CASS4: variants seen among roughly 807,000 people sequenced by gnomAD.
The protein encoded by CASS4 is Cas scaffold protein family member 4, also known as cas scaffolding protein family member 4.
Under a neutral mutation model 54.2 loss-of-function variants are expected in CASS4, and 22 were observed. The observed-to-expected ratio is 0.41, with a 90% CI of 0.29 to 0.58. The LOEUF is 0.58. CASS4 is among the 20% of genes least tolerant of loss of function. The probability of loss-of-function intolerance (pLI) is 0.36; values close to 1 mark genes in which losing one functional copy is unlikely to be tolerated. For missense variants in CASS4, 854 were observed against 986.7 expected (o/e 0.87, Z 1.80); for synonymous variants, 409 against 391.5 (o/e 1.04, Z -0.53).
At chr20:56,433,608 A>G (rs1002648653) in intron 1 of CASS4, among the ~76,000 whole-genome samples, 1 of 152,192 alleles carries the variant, frequency 6.6e-6, no homozygotes, top group African/African-American at 2.4e-5. Context: ...TGTTTGCTGA[A>G]TCTGTGAAGG....
At position 56,412,478 on chromosome 20, in the gene CASS4, T is replaced by C. The variant is rs1275901550; in HGVS notation, c.20T>C (p.Met7Thr). 9.3e-6 allele frequency: 15 copies of C among 1,612,628 alleles called. No homozygotes were observed. In the South Asian group the frequency reaches 1.7e-4, roughly 18 times the overall value. Reference protein sequence around the residue: MKGTGIMDCAPKALLAR... With the variant: MKGTGITDCAPKALLAR... Reference sequence around the variant, plus strand: ...ACCGACATGAAGGGAACAGGCATCATGGACTGTGCGCCCAAGGTGAGTGAT... The same window carrying C: ...ACCGACATGAAGGGAACAGGCATCACGGACTGTGCGCCCAAGGTGAGTGAT... Residue 7 changes from methionine (M) to threonine (T), a missense_variant, in exon 1 of 6, where the codon ATG (methionine) becomes ACG (threonine). Physicochemically the swap from Met to Thr is moderately conservative, Grantham distance 81. Transcript: ENST00000679887. The surrounding 1 kb of genome is among the most constrained non-coding windows in gnomAD (Gnocchi z 4.2).
At chr20:56,450,908 C>T (rs185629257) in intron 4 of CASS4, among the ~76,000 whole-genome samples, 31 of 151,932 alleles carry the variant, frequency 2.0e-4, no homozygotes, top group African/African-American at 7.5e-4. Flanking sequence ...GTAGTGGGCG[C>T]CTGTAATCCC....
In CASS4 at chr20:56,451,806, G is replaced by A; in HGVS notation, c.643-13G>A. ...AGCTACTAACCCGGCAACTATGTGTGGTTCTCCCACAGGGGCAGGGTGTTC... is the reference window on the plus strand; with the variant it reads ...AGCTACTAACCCGGCAACTATGTGTAGTTCTCCCACAGGGGCAGGGTGTTC... On this transcript the variant is annotated splice_polypyrimidine_tract_variant and intron_variant, in intron 4 of 5. Coordinates refer to ENST00000679887, the MANE Select transcript of CASS4 (RefSeq NM_020356.4). 6.3e-7 allele frequency: 1 copy of A among 1,595,510 alleles called. No homozygotes were observed. The highest frequency in any genetic ancestry group is 8.6e-7 in the Non-Finnish European group (1 of 1,167,614).
chr20:56,428,658 T>C (rs1457685276), intron 1 of CASS4, among the ~76,000 whole-genome samples: 1 of 152,220 alleles, frequency 6.6e-6, no homozygotes. Flanking sequence ...CTGCTTCTCC[T>C]TACAGCTGTC....
In CASS4 at chr20:56,418,094, T is replaced by A. The variant is rs1979231585; in HGVS notation, c.36+5600T>A. ...GGGTTCAGGGTGATCAAGACAGAGC[T>A]GACATTCCAATGGAGTGAGCATGAC... On this transcript the variant is annotated intron_variant, in intron 1 of 5. Transcript: ENST00000679887. Among the ~76,000 whole-genome samples the A allele has an allele frequency of 2.0e-5, 3 of 152,134 alleles. No homozygotes were observed. In the South Asian group the frequency reaches 6.2e-4, roughly 32 times the overall value.
intron 2 of CASS4, among the ~76,000 whole-genome samples, chr20:56,438,092 C>T (rs1054277177): frequency 6.6e-6 from 1 of 152,080 alleles, no homozygotes; most frequent in Non-Finnish European, 1.5e-5. Flanking sequence ...AGTTCGGGAC[C>T]AGCCTGGGCA....
chr20:56,417,374 T>C (rs1439237201), intron 1 of CASS4, among the ~76,000 whole-genome samples: 1 of 152,204 alleles, frequency 6.6e-6, no homozygotes, highest in Admixed American at 6.5e-5. Context: ...TTCCCCGCCT[T>C]GGATTCTTCT....
chr20:56,418,674 G>C (rs1979261902), intron 1 of CASS4, among the ~76,000 whole-genome samples: 1 of 152,198 alleles, frequency 6.6e-6, no homozygotes, highest in African/African-American at 2.4e-5. Flanking sequence ...TAGAACTTTT[G>C]ATGTTTGAGA....
intron 1 of CASS4, among the ~76,000 whole-genome samples, chr20:56,416,563 A>G (rs918987217): frequency 2.6e-5 from 4 of 151,886 alleles, no homozygotes; most frequent in East Asian, 1.9e-4. Flanking sequence ...GTGTGTATGC[A>G]CACATGCCAT....
At chr20:56,427,044 C>T (rs1365599563) in intron 1 of CASS4, among the ~76,000 whole-genome samples, 1 of 151,976 alleles carries the variant, frequency 6.6e-6, no homozygotes, top group Non-Finnish European at 1.5e-5. Flanking sequence ...GCCTGTAGTC[C>T]CAGCTACCTG....
At position 56,414,325 on chromosome 20, in the gene CASS4, A is replaced by C. The variant is rs1255475792; in HGVS notation, c.36+1831A>C. On this transcript the variant is annotated intron_variant, in intron 1 of 5. Coordinates refer to ENST00000679887, the MANE Select transcript of CASS4 (RefSeq NM_020356.4). The surrounding 1 kb of genome is among the most constrained non-coding windows in gnomAD (Gnocchi z 4.1). ...AATCTACTACCTTTTTCTCTTTCAT[A>C]ACATTGACCTTTTTTCTAAACAGCC... Among the ~76,000 whole-genome samples the C allele has an allele frequency of 6.6e-6, 1 of 152,096 alleles. No individual in the cohort carries two copies. Among genetic ancestry groups the C allele is most frequent in the Non-Finnish European group, 1.5e-5 (1 of 68,024 alleles).
intron 4 of CASS4, 82 bp downstream of exon 4, chr20:56,450,761 C>T (rs780985837): frequency 8.9e-6 from 12 of 1,344,742 alleles, no homozygotes; most frequent in African/African-American, 2.9e-5. Context: ...GGGCCAGGCA[C>T]GGTGGCTGAA....
In CASS4 at chr20:56,458,810, C is replaced by T. The variant is rs572594122; in HGVS notation, c.*63C>T. Reference sequence around the variant, plus strand: ...AGCTTCACACCCACAACTTGTGCAACTCTGCCCTATGGGAAAAGCCAGCCG... The same window carrying T: ...AGCTTCACACCCACAACTTGTGCAATTCTGCCCTATGGGAAAAGCCAGCCG... On this transcript the variant is annotated 3_prime_UTR_variant, in exon 6 of 6. Coordinates refer to ENST00000679887, the MANE Select transcript of CASS4 (RefSeq NM_020356.4). The T allele has an allele frequency of 6.9e-7, 1 of 1,453,214 alleles. No individual in the cohort carries two copies. Among genetic ancestry groups the T allele is most frequent in the Non-Finnish European group, 9.2e-7 (1 of 1,085,348 alleles). 90.0% of individuals were successfully genotyped at this position (1,453,214 alleles called of 1,614,324 possible). A position where few individuals can be genotyped will look rare whatever the true frequency, so the allele number is the denominator to read the frequency against.
chr20:56,434,128 G>A (rs778074357), intron 1 of CASS4, among the ~76,000 whole-genome samples: 43 of 152,300 alleles, frequency 2.8e-4, no homozygotes, highest in African/African-American at 7.7e-4. Flanking sequence ...CTCATTCACC[G>A]TGGGTGGAGG....
rs6123590 is a variant in CASS4, at chr20:56,414,029, T to C, written c.36+1535T>C. ...GACGCTCCACCCCTAAACTTCATTATGTGTCTCCTAAGAACAAGGACATTC... is the reference window on the plus strand; with the variant it reads ...GACGCTCCACCCCTAAACTTCATTACGTGTCTCCTAAGAACAAGGACATTC... On this transcript the variant is annotated intron_variant, in intron 1 of 5. Coordinates refer to ENST00000679887, the MANE Select transcript of CASS4 (RefSeq NM_020356.4). This position sits in a 1 kb window ranked among gnomAD's most constrained non-coding sequence, Gnocchi z 4.1. Among the ~76,000 whole-genome samples, 4,946 of 152,318 alleles carry C rather than the reference T, an allele frequency of 0.032. 480 individuals carry two copies. The East Asian group carries it at 0.37, about 11-fold the overall frequency.
chr20:56,429,814 A>C (rs1044357316), intron 1 of CASS4, among the ~76,000 whole-genome samples: 1 of 151,842 alleles, frequency 6.6e-6, no homozygotes, highest in Non-Finnish European at 1.5e-5. Flanking sequence ...ACCCATCACT[A>C]CTTCCCAACT....
At chr20:56,431,697 C>T (rs1256160984) in intron 1 of CASS4, among the ~76,000 whole-genome samples, 1 of 152,220 alleles carries the variant, frequency 6.6e-6, no homozygotes, top group Admixed American at 6.5e-5. Flanking sequence ...ATAGGCAAAT[C>T]CGCCAGCTAA....
Position 56,452,696 on chromosome 20 carries a change from T to G in CASS4, c.1520T>G (p.Leu507Arg), listed in dbSNP as rs904655774. 1 of 1,614,130 alleles carries G rather than the reference T, an allele frequency of 6.2e-7. No individual in the cohort carries two copies. The highest frequency in any genetic ancestry group is 8.5e-7 in the Non-Finnish European group (1 of 1,180,026). Residue 507 changes from leucine to arginine, a missense_variant, in exon 5 of 6, where the codon CTC becomes CGC. Physicochemically the swap from Leu to Arg is moderately radical, Grantham distance 102. Transcript: ENST00000679887. ...ARGVHGTACN[L>R]TDSNLQNRIR... ...GGAGTCCATGGGACTGCCTGTAACC[T>G]CACTGACAGTAACCTTCAGAACAGA... is the stretch of plus-strand genomic sequence containing the variant.
At chr20:56,451,386 C>T (rs999791594) in intron 4 of CASS4, among the ~76,000 whole-genome samples, 3 of 152,128 alleles carry the variant, frequency 2.0e-5, no homozygotes, top group Non-Finnish European at 2.9e-5. Flanking sequence ...TGGATTCTAC[C>T]ACATGTGTCC....
Sources: allele counts gnomAD v4.1 joint callset (sites outside exome capture counted in the v4.1 genomes callset), GRCh38; gene constraint gnomAD v4.1.1; non-coding constraint Gnocchi (gnomAD v3.1); transcripts MANE v1.5; gene names NCBI Gene and HGNC (gene_info 2026-07-23, HGNC 2026-07-21).